The following AHDC1 variants were observed in gnomAD, a reference collection of about 807,000 sequenced individuals.
AHDC1 encodes the protein AT-hook DNA binding motif containing 1.
In AHDC1, 7 loss-of-function variants were observed where a neutral mutation model predicts 87.9. The ratio of observed to expected loss-of-function variants is 0.08; its 90% CI spans 0.05 to 0.15. AHDC1 has a LOEUF of 0.15. Among genes scored for constraint, AHDC1 ranks in the 10% least tolerant of loss-of-function variants. The pLI is 1.00. For missense variants in AHDC1, 1,841 were observed against 2,253.2 expected (o/e 0.82, Z 3.70); for synonymous variants, 1,051 against 1,006.8 (o/e 1.04, Z -0.83).
At chr1:27,544,976 T>A (rs1321792071) in intron 8 of AHDC1, among the ~76,000 whole-genome samples, 1 of 152,166 alleles carries the variant, frequency 6.6e-6, no homozygotes, top group Non-Finnish European at 1.5e-5. Flanking sequence ...CTTTACTGCC[T>A]TCCCATAGGC....
rs1396820713 is a variant in AHDC1, at chr1:27,561,376, T to C, written c.-628-2493A>G. ...GGAACTTCAGGAGCAAAGCTGCCCTTAGCCCCTCCACAACCTGATACTCCC... is the reference window on the plus strand; with the variant it reads ...GGAACTTCAGGAGCAAAGCTGCCCTCAGCCCCTCCACAACCTGATACTCCC... On this transcript the variant is annotated intron_variant, in intron 3 of 8. Transcript: ENST00000673934. The surrounding 1 kb of genome is among the most constrained non-coding windows in gnomAD (Gnocchi z 4.2). Among the ~76,000 whole-genome samples, 3 of 152,164 alleles carry C rather than the reference T, an allele frequency of 2.0e-5. No homozygotes were observed. The East Asian group carries it at 5.8e-4, about 29-fold the overall frequency.
chr1:27,602,742 C>T (rs773928041), intron 3 of AHDC1, among the ~76,000 whole-genome samples: 1 of 152,152 alleles, frequency 6.6e-6, no homozygotes, highest in Non-Finnish European at 1.5e-5. Flanking sequence ...AGTGAGCCGA[C>T]TTTGTTCGCC....
intron 8 of AHDC1, among the ~76,000 whole-genome samples, chr1:27,546,527 C>T (rs1393803433): frequency 6.6e-6 from 1 of 152,238 alleles, no homozygotes; most frequent in Non-Finnish European, 1.5e-5. Context: ...GCCTCACTGG[C>T]TGCAGGTTTG....
Position 27,549,849 on chromosome 1 carries a change from G to A in AHDC1, c.2267C>T (p.Pro756Leu). Residue 756 changes from proline to leucine, a missense_variant, in exon 8 of 9, where the codon CCC becomes CTC. Around this residue, in one of 13 missense-constraint regions of AHDC1, gnomAD observed 236 missense variants for 257.9 expected, o/e 0.92. Coordinates refer to ENST00000673934, the MANE Select transcript of AHDC1 (RefSeq NM_001371928.1). ...KNGTLFPEQV[P>L]SGPGFGEAGA... ...TGCCTCCCCAAAGCCTGGGCCACTG[G>A]GCACCTGCTCTGGGAACAGAGTCCC... is the stretch of plus-strand genomic sequence containing the variant. The A allele has an allele frequency of 3.7e-6, 6 of 1,613,228 alleles. No homozygotes were observed. Among genetic ancestry groups the A allele is most frequent in the Non-Finnish European group, 4.2e-6 (5 of 1,179,488 alleles).
intron 3 of AHDC1, among the ~76,000 whole-genome samples, chr1:27,596,096 G>A (rs536485156): frequency 6.6e-6 from 1 of 152,134 alleles, no homozygotes; most frequent in Middle Eastern, 3.4e-3. Context: ...CTGGGAGAAT[G>A]AAGGGCAGCA....
chr1:27,555,463 T>G (rs2019775173), intron 5 of AHDC1, among the ~76,000 whole-genome samples: 1 of 152,158 alleles, frequency 6.6e-6, no homozygotes, highest in African/African-American at 2.4e-5. Flanking sequence ...CAGCTGCTCC[T>G]CGTTGTCCCA....
chr1:27,575,664 G>A (rs1332577953), intron 3 of AHDC1, among the ~76,000 whole-genome samples: 1 of 151,536 alleles, frequency 6.6e-6, no homozygotes, highest in East Asian at 1.9e-4. Context: ...CCGGCCGGCC[G>A]CGCGGCCCGC....
At chr1:27,539,125 C>A (rs548045592) in intron 8 of AHDC1, among the ~76,000 whole-genome samples, 1 of 148,536 alleles carries the variant, frequency 6.7e-6, no homozygotes, top group African/African-American at 2.5e-5. Context: ...TCCAGAGAAG[C>A]TTTTTTTCTT....
At chr1:27,557,163 G>A (rs2019857939) in intron 5 of AHDC1, among the ~76,000 whole-genome samples, 11 of 150,882 alleles carry the variant, frequency 7.3e-5, no homozygotes, top group Admixed American at 7.2e-4. Flanking sequence ...AGGTGTGTGG[G>A]CGCCACCGCC....
chr1:27,576,966 C>T (rs1157469012), intron 3 of AHDC1, among the ~76,000 whole-genome samples: 2 of 152,184 alleles, frequency 1.3e-5, no homozygotes, highest in African/African-American at 2.4e-5. Flanking sequence ...CACCCCCCAA[C>T]GCCAGCACCC....
chr1:27,571,748 T>C lies in AHDC1; in HGVS notation c.-628-12865A>G, dbSNP rs912695286. On this transcript the variant is annotated intron_variant, in intron 3 of 8. Transcript: ENST00000673934. Reference sequence around the variant, plus strand: ...CTCCCCTCCCCCTCCCAGGCTGGCATGGTGTGTGCCAGGCGCTGGCAGAAA... The same window carrying C: ...CTCCCCTCCCCCTCCCAGGCTGGCACGGTGTGTGCCAGGCGCTGGCAGAAA... Among the ~76,000 whole-genome samples, 19 of 149,354 alleles carry C rather than the reference T, an allele frequency of 1.3e-4. 1 individual carries two copies. Among genetic ancestry groups the C allele is most frequent in the Admixed American group, 4.6e-4 (7 of 15,056 alleles).
rs386629790 is a variant in AHDC1, at chr1:27,534,258, TTTG to T, written c.*699_*701del. Reference sequence around the variant, plus strand: ...CAAGACACAAGGTTGGTTTTTTTTTTTTGTTTTTTTTTTGTTTTTTTTTTGCTT... The same window carrying T: ...CAAGACACAAGGTTGGTTTTTTTTTTTTTTTTTTTTGTTTTTTTTTTGCTT... On this transcript the variant is annotated 3_prime_UTR_variant, in exon 9 of 9. Coordinates refer to ENST00000673934, the MANE Select transcript of AHDC1 (RefSeq NM_001371928.1). 868 of 139,218 alleles carry T rather than the reference TTTG, an allele frequency of 6.2e-3. 8 individuals carry two copies. The highest frequency in any genetic ancestry group is 0.019 in the African/African-American group (739 of 38,486). The allele number at this position is 139,218 out of a possible 1,614,324, so 8.6% of individuals were successfully genotyped here. A position where few individuals can be genotyped will look rare whatever the true frequency, so the allele number is the denominator to read the frequency against.
rs1216699386 is a variant in AHDC1 at position 27,551,917 on chromosome 1, G to C, written c.199C>G (p.Arg67Gly). ...GGTGGGCGCCGGGTGCTGGGGTCCC[G>C]GCGTGGGGGTGGGCGTGGGTTCTCG... ...FSENPRPPPR[R>G]DPSTRRPPVL... The change falls in exon 8 of 9, where the codon CGG becomes GGG. Residue 67 changes from arginine (R) to glycine (G), a missense_variant. Arg to Gly is a moderately radical substitution (Grantham distance 125, BLOSUM62 -2). Coordinates refer to ENST00000673934, the MANE Select transcript of AHDC1 (RefSeq NM_001371928.1). The C allele has an allele frequency of 1.3e-6, 2 of 1,583,090 alleles. No homozygotes were observed. The highest frequency in any genetic ancestry group is 1.4e-5 in the African/African-American group (1 of 73,838).
rs375035985 is a variant in AHDC1 at position 27,544,003 on chromosome 1, G to A, written c.*43+3258C>T. Among the ~76,000 whole-genome samples the A allele has an allele frequency of 6.6e-4, 100 of 152,216 alleles. 1 individual carries two copies. In the South Asian group the frequency reaches 0.019, roughly 29 times the overall value. ...AATCCAACCTATCCTTTTGCAGATGGGGAATCAGGCGTGGGGAGATGAGAG... is the reference window on the plus strand; with the variant it reads ...AATCCAACCTATCCTTTTGCAGATGAGGAATCAGGCGTGGGGAGATGAGAG... On this transcript the variant is annotated intron_variant, in intron 8 of 8. Coordinates refer to ENST00000673934, the MANE Select transcript of AHDC1 (RefSeq NM_001371928.1).
intron 8 of AHDC1, among the ~76,000 whole-genome samples, chr1:27,543,868 A>G (rs978916846): frequency 1.3e-5 from 2 of 152,034 alleles, no homozygotes; most frequent in African/African-American, 4.8e-5. Context: ...GCTTGAACCC[A>G]GGAGGCAGAG....
At chr1:27,566,022 T>C (rs1361150701) in intron 3 of AHDC1, among the ~76,000 whole-genome samples, 2 of 152,098 alleles carry the variant, frequency 1.3e-5, no homozygotes, top group African/African-American at 4.8e-5. Context: ...GAGGGATCCT[T>C]TGGGGTGACT....
chr1:27,596,180 G>A (rs2089366231), intron 3 of AHDC1, among the ~76,000 whole-genome samples: 1 of 152,022 alleles, frequency 6.6e-6, no homozygotes, highest in Admixed American at 6.5e-5. Context: ...CCTGTGCGGG[G>A]GTGTTGAGAC....
intron 1 of AHDC1, 47 bp downstream of exon 1, chr1:27,604,059 C>A: frequency 6.5e-6 from 1 of 153,146 alleles, no homozygotes; most frequent in South Asian, 1.8e-4. Flanking sequence ...CTGTCTGGTC[C>A]GCCTCGCTCG....
chr1:27,574,877 G>A (rs546143346), intron 3 of AHDC1, among the ~76,000 whole-genome samples: 2 of 152,188 alleles, frequency 1.3e-5, no homozygotes, highest in African/African-American at 2.4e-5. Context: ...CAGGGCTCTT[G>A]TAAAATGAAG....
Sources: gnomAD v4.1 joint callset for allele counts (sites outside exome capture counted in the v4.1 genomes callset) on GRCh38, gnomAD v4.1.1 for gene constraint, gnomAD v4.1.1 regional missense constraint, Gnocchi (gnomAD v3.1) non-coding constraint, MANE v1.5 for transcripts, NCBI Gene and HGNC (gene_info 2026-07-23, HGNC 2026-07-21) for gene names.